Variants in THSD7A observed in about 807,000 individuals in gnomAD.
THSD7A encodes thrombospondin type-1 domain-containing protein 7A.
THSD7A carries 96 observed loss-of-function variants against 231.3 expected under a neutral mutation model. The observed-to-expected ratio is 0.41, with a 90% CI of 0.35 to 0.49. The LOEUF (loss-of-function observed/expected upper bound fraction) is 0.49, where lower values mean the gene tolerates loss of function less well. Among genes scored for constraint, THSD7A ranks in the 20% least tolerant of loss-of-function variants. The probability of loss-of-function intolerance (pLI) is 0.05; values close to 1 mark genes in which losing one functional copy is unlikely to be tolerated. For synonymous variants in THSD7A, 940 were observed against 743.3 expected (o/e 1.26, Z -4.30); for missense variants, 2,290 against 2,070.2 (o/e 1.11, Z -2.06).
At chr7:11,750,520 T>C (rs1782463808) in intron 1 of THSD7A, among the ~76,000 whole-genome samples, 1 of 152,004 alleles carries the variant, frequency 6.6e-6, no homozygotes, top group Non-Finnish European at 1.5e-5. Context: ...GACCAAGTGA[T>C]GGCAATATTG....
intron 13 of THSD7A, among the ~76,000 whole-genome samples, chr7:11,439,514 G>A (rs1345914818): frequency 1.3e-5 from 2 of 151,968 alleles, no homozygotes; most frequent in Non-Finnish European, 2.9e-5. Context: ...GTTTGGGGGT[G>A]CCAAGTTGTG....
chr7:11,666,008 G>A (rs148926188), intron 1 of THSD7A, among the ~76,000 whole-genome samples: 51 of 152,114 alleles, frequency 3.4e-4, no homozygotes, highest in African/African-American at 1.1e-3. Flanking sequence ...GCTGGATAAC[G>A]GTGACAGGTA....
At chr7:11,699,536 TATAAC>T (rs1358627215) in intron 1 of THSD7A, among the ~76,000 whole-genome samples, 3 of 151,304 alleles carry the variant, frequency 2.0e-5, no homozygotes, top group Non-Finnish European at 4.4e-5. Context: ...ACACTCAAAA[TATAAC>T]ATAAATCATA....
intron 6 of THSD7A, among the ~76,000 whole-genome samples, chr7:11,494,846 T>C (rs1325545416): frequency 6.6e-6 from 1 of 152,068 alleles, no homozygotes; most frequent in Non-Finnish European, 1.5e-5. Context: ...TACCTAAACC[T>C]TTATAATACA....
chr7:11,677,622 T>G (rs942379003), intron 1 of THSD7A, among the ~76,000 whole-genome samples: 1 of 123,458 alleles, frequency 8.1e-6, no homozygotes, highest in Non-Finnish European at 1.6e-5. Context: ...AAGCAGGGGT[T>G]GCAATCCTAG....
intron 1 of THSD7A, among the ~76,000 whole-genome samples, chr7:11,828,728 G>T (rs919720131): frequency 2.6e-5 from 4 of 151,970 alleles, no homozygotes; most frequent in African/African-American, 9.7e-5. Context: ...CACATAGATA[G>T]ATAGATAGAT....
At chr7:11,825,452 T>C (rs567353610) in intron 1 of THSD7A, among the ~76,000 whole-genome samples, 20 of 152,266 alleles carry the variant, frequency 1.3e-4, no homozygotes, top group African/African-American at 4.8e-4. Context: ...TGGTTAACTG[T>C]ATCAATTCGT....
chr7:11,502,108 T>A (rs1262221288), intron 6 of THSD7A, among the ~76,000 whole-genome samples: 1 of 151,974 alleles, frequency 6.6e-6, no homozygotes, highest in South Asian at 2.1e-4. Context: ...AAAAGACCAA[T>A]AATGAGCTCT....
intron 1 of THSD7A, among the ~76,000 whole-genome samples, chr7:11,684,471 T>C (rs1371071184): frequency 6.6e-6 from 1 of 151,628 alleles, no homozygotes; most frequent in Non-Finnish European, 1.5e-5. Context: ...AATATGATTC[T>C]ATAATTAGAA....
chr7:11,640,903 G>C (rs1189050632), intron 1 of THSD7A, among the ~76,000 whole-genome samples: 1 of 152,084 alleles, frequency 6.6e-6, no homozygotes, highest in Non-Finnish European at 1.5e-5. Context: ...GGGTTGAGGA[G>C]TATATCTTCA....
intron 2 of THSD7A, among the ~76,000 whole-genome samples, chr7:11,635,253 G>T (rs1473496341): frequency 6.7e-6 from 1 of 148,172 alleles, no homozygotes; most frequent in Admixed American, 6.6e-5. Context: ...TCTTACTGAT[G>T]TTACTATATT....
In THSD7A at chr7:11,511,128, A is replaced by G. The variant is rs183513943; in HGVS notation, c.1823-29146T>C. ...ATGTGCAAAAATCACAAGCATTCCT[A>G]TACGCCAATAACAGACAAGCAGAGA... On this transcript the variant is annotated intron_variant, in intron 6 of 27. Transcript: ENST00000423059. 9.0e-4 allele frequency among the ~76,000 whole-genome samples: 137 copies of G among 152,290 alleles called. 1 individual carries two copies. Among genetic ancestry groups the G allele is most frequent in the Non-Finnish European group, 2.8e-4 (19 of 68,030 alleles).
chr7:11,765,387 A>T (rs569363140), intron 1 of THSD7A, among the ~76,000 whole-genome samples: 6 of 152,226 alleles, frequency 3.9e-5, no homozygotes. Context: ...GAGATATACT[A>T]GGTGATATCC....
At chr7:11,427,092 T>C (rs1784345197) in intron 14 of THSD7A, among the ~76,000 whole-genome samples, 1 of 152,178 alleles carries the variant, frequency 6.6e-6, no homozygotes, top group Non-Finnish European at 1.5e-5. Context: ...TCATCTGTTT[T>C]GTAGAAAATG....
intron 1 of THSD7A, among the ~76,000 whole-genome samples, chr7:11,822,993 G>A (rs1363390193): frequency 6.6e-6 from 1 of 151,962 alleles, no homozygotes; most frequent in Non-Finnish European, 1.5e-5. Flanking sequence ...TTTGTTACCT[G>A]TGACTTTGAG....
rs1208089029 is a variant in THSD7A at position 11,637,801 on chromosome 7, C to T, written c.191-840G>A. On this transcript the variant is annotated intron_variant, in intron 1 of 27. Coordinates refer to ENST00000423059, the MANE Select transcript of THSD7A (RefSeq NM_015204.3). The surrounding 1 kb of genome is among the most constrained non-coding windows in gnomAD (Gnocchi z 4.2). ...AATATGGGTTTTTTTCTGTGAAATC[C>T]TTCTTAGAATAAACTTTATATTCAC... Among the ~76,000 whole-genome samples, 1 of 152,014 alleles carries T rather than the reference C, an allele frequency of 6.6e-6. No individual in the cohort carries two copies. Among genetic ancestry groups the T allele is most frequent in the Non-Finnish European group, 1.5e-5 (1 of 68,016 alleles).
intron 4 of THSD7A, among the ~76,000 whole-genome samples, chr7:11,575,342 C>T (rs926431166): frequency 6.6e-6 from 1 of 152,088 alleles, no homozygotes; most frequent in African/African-American, 2.4e-5. Flanking sequence ...GGGTTACAAG[C>T]CAGCAAACAG....
At chr7:11,695,370 T>G (rs1780355825) in intron 1 of THSD7A, among the ~76,000 whole-genome samples, 1 of 151,476 alleles carries the variant, frequency 6.6e-6, no homozygotes, top group Non-Finnish European at 1.5e-5. Flanking sequence ...CATGCATCAC[T>G]CTCTATGCCA....
chr7:11,406,880 A>G lies in THSD7A; in HGVS notation c.4062+30T>C. 6.2e-7 allele frequency: 1 copy of G among 1,612,820 alleles called. No homozygotes were observed. Among genetic ancestry groups the G allele is most frequent in the Non-Finnish European group, 8.5e-7 (1 of 1,179,312 alleles). On this transcript the variant is annotated intron_variant, in intron 21 of 27. Transcript: ENST00000423059. This position sits in a 1 kb window ranked among gnomAD's most constrained non-coding sequence, Gnocchi z 4.7. ...TGAAGTCTCTGCAGATAGAGTACAC[A>G]CTTCCTGACAACTTCTTGAGATTTG...
Sources: gnomAD v4.1 joint callset for allele counts (sites outside exome capture counted in the v4.1 genomes callset) on GRCh38, gnomAD v4.1.1 for gene constraint, Gnocchi (gnomAD v3.1) non-coding constraint, MANE v1.5 for transcripts, NCBI Gene and HGNC (gene_info 2026-07-23, HGNC 2026-07-21) for gene names.